Variants in DOCK8 observed in about 807,000 individuals in gnomAD.
DOCK8 encodes dedicator of cytokinesis 8, also known as dedicator of cytokinesis protein 8.
In DOCK8, 141 loss-of-function variants were observed where a neutral mutation model predicts 245.6. That is an observed-to-expected ratio of 0.57 (90% CI 0.50 to 0.66). The LOEUF is 0.66. Ranked by LOEUF, DOCK8 falls within the 30% of genes least tolerant of loss-of-function variation. The pLI is 0.00. For synonymous variants in DOCK8, 1,168 were observed against 970.2 expected (o/e 1.20, Z -3.79); for missense variants, 2,965 against 2,603.4 (o/e 1.14, Z -3.02).
intron 6 of DOCK8, among the ~76,000 whole-genome samples, chr9:315,299 A>G (rs1005080221): frequency 6.6e-6 from 1 of 152,210 alleles, no homozygotes; most frequent in East Asian, 1.9e-4. Flanking sequence ...GTATCCATTA[A>G]TGTTTCACAT....
At chr9:222,342 T>C (rs1587609556) in intron 1 of DOCK8, among the ~76,000 whole-genome samples, 1 of 152,170 alleles carries the variant, frequency 6.6e-6, no homozygotes, top group East Asian at 1.9e-4. Context: ...AGCAGTCTTA[T>C]ACATACTTTT....
upstream of DOCK8, chr9:214,849 G>C (rs776686267): frequency 6.2e-7 from 1 of 1,602,136 alleles, no homozygotes; most frequent in South Asian, 1.1e-5. Context: ...AAATGCGGAA[G>C]TTTCCAGCGC....
chr9:430,730 G>A (rs1033571300), intron 36 of DOCK8, among the ~76,000 whole-genome samples: 1 of 151,986 alleles, frequency 6.6e-6, no homozygotes, highest in Admixed American at 6.6e-5. Context: ...TATCATCTGT[G>A]GGGGAAAAAA....
At chr9:268,272 T>C (rs2048079453) in intron 1 of DOCK8, 1 of 152,222 alleles carries the variant, frequency 6.6e-6, no homozygotes, top group Admixed American at 6.5e-5. Flanking sequence ...GTATAATTGA[T>C]TCTGTAGGGA....
At chr9:354,807 C>T (rs934018678) in intron 14 of DOCK8, among the ~76,000 whole-genome samples, 1 of 152,186 alleles carries the variant, frequency 6.6e-6, no homozygotes, top group Admixed American at 6.5e-5. Flanking sequence ...TTCGTCAAAA[C>T]AAGCAAGCGG....
chr9:314,457 A>G, intron 6 of DOCK8: 1 of 152,226 alleles, frequency 6.6e-6, no homozygotes, highest in Non-Finnish European at 1.5e-5. Context: ...GATTAAAATA[A>G]TGAAACGTAG....
chr9:423,283 A>C (rs1196154779), intron 33 of DOCK8, among the ~76,000 whole-genome samples: 1 of 152,224 alleles, frequency 6.6e-6, no homozygotes, highest in Non-Finnish European at 1.5e-5. Context: ...CTATATATGC[A>C]ACAATTTAGA....
intron 21 of DOCK8, chr9:381,223 G>C (rs1362606300): frequency 6.6e-6 from 1 of 152,034 alleles, no homozygotes; most frequent in East Asian, 1.9e-4. Flanking sequence ...CTCCCTCCTT[G>C]CCTCTTTTTA....
chr9:269,481 A>AT (rs2048107528), intron 1 of DOCK8, among the ~76,000 whole-genome samples: 2 of 147,304 alleles, frequency 1.4e-5, no homozygotes, highest in South Asian at 4.2e-4. Flanking sequence ...GATTTTTTCC[A>AT]TTTTTTGGCC....
chr9:218,913 A>C (rs2046823028), intron 1 of DOCK8, among the ~76,000 whole-genome samples: 1 of 152,280 alleles, frequency 6.6e-6, no homozygotes, highest in African/African-American at 2.4e-5. Flanking sequence ...GATAGGAGCA[A>C]TGACTATCTC....
At chr9:452,205 C>A in intron 46 of DOCK8, 88 bp downstream of exon 46, 2 of 850,508 alleles carry the variant, frequency 2.4e-6, no homozygotes, top group Non-Finnish European at 3.8e-6. Context: ...CACCTGAGAA[C>A]TTGCTAGAAA....
intron 5 of DOCK8, among the ~76,000 whole-genome samples, chr9:309,485 G>C (rs1422981808): frequency 6.6e-6 from 1 of 152,100 alleles, no homozygotes; most frequent in Non-Finnish European, 1.5e-5. Context: ...TAATCCATTT[G>C]TAGTCCTACA....
intron 7 of DOCK8, among the ~76,000 whole-genome samples, chr9:317,894 G>T (rs989853139): frequency 7.3e-5 from 11 of 151,710 alleles, no homozygotes; most frequent in Admixed American, 4.6e-4. Flanking sequence ...CTACAGTCTG[G>T]TTTCATCTTG....
chr9:286,040 G>A (rs962115154), intron 2 of DOCK8, among the ~76,000 whole-genome samples: 1 of 152,210 alleles, frequency 6.6e-6, no homozygotes, highest in African/African-American at 2.4e-5. Context: ...GCCAAGGAGT[G>A]TTGAGTTTGC....
intron 23 of DOCK8, 117 bp downstream of exon 23, chr9:386,543 A>G (rs1278945410): frequency 2.4e-6 from 2 of 820,970 alleles, no homozygotes; most frequent in East Asian, 5.5e-5. Flanking sequence ...CTGATGTGCT[A>G]ACACACACAC....
chr9:464,118 C>T lies in DOCK8; in HGVS notation c.6240-41C>T, dbSNP rs76009026. 2.0e-3 allele frequency: 3,033 copies of T among 1,532,974 alleles called. 45 individuals are homozygous for T. The African/African-American group carries it at 0.035, about 18-fold the overall frequency. 95.0% of individuals were successfully genotyped at this position (1,532,974 alleles called of 1,614,324 possible). ...TAACTGATCTTTTCTTGCTTCTGTA[C>T]GCTCTCTTTCCCTCTCCTCCCTCTC... On this transcript the variant is annotated intron_variant, in intron 47 of 47. Coordinates refer to ENST00000432829, the MANE Select transcript of DOCK8 (RefSeq NM_203447.4).
In DOCK8 at chr9:303,982, G is replaced by C. The variant is rs1170318071; in HGVS notation, c.405-599G>C. 3.9e-5 allele frequency among the ~76,000 whole-genome samples: 6 copies of C among 152,144 alleles called. No individual in the cohort carries two copies. In the East Asian group the frequency reaches 9.7e-4, roughly 24 times the overall value. On this transcript the variant is annotated intron_variant, in intron 4 of 47. Transcript: ENST00000432829. ...TTACATGTTTTACCTTTCTTATGAT[G>C]GTCTGTCTCATTTCTTCAGTGACAG... is the stretch of plus-strand genomic sequence containing the variant.
intron 14 of DOCK8, among the ~76,000 whole-genome samples, chr9:342,304 T>C (rs2051641716): frequency 1.5e-5 from 2 of 130,380 alleles, no homozygotes; most frequent in African/African-American, 5.2e-5. Context: ...TTTCTTTTTT[T>C]TTTTTTTTTT....
chr9:430,764 G>C (rs564279676), intron 36 of DOCK8, among the ~76,000 whole-genome samples: 41 of 152,272 alleles, frequency 2.7e-4, no homozygotes, highest in African/African-American at 9.4e-4. Flanking sequence ...TTAGAATTCA[G>C]AAGAGTGTTT....
Sources: allele counts gnomAD v4.1 joint callset (sites outside exome capture counted in the v4.1 genomes callset), GRCh38; gene constraint gnomAD v4.1.1; transcripts MANE v1.5; gene names NCBI Gene and HGNC (gene_info 2026-07-23, HGNC 2026-07-21).